Variants in ARID2 observed in about 807,000 individuals in gnomAD.
ARID2 encodes the protein AT-rich interaction domain 2.
Under a neutral mutation model 184.6 loss-of-function variants are expected in ARID2, and 32 were observed. That is an observed-to-expected ratio of 0.17 (90% CI 0.13 to 0.23). The LOEUF (loss-of-function observed/expected upper bound fraction) is 0.23, where lower values mean the gene tolerates loss of function less well. ARID2 is among the 10% of genes least tolerant of loss of function. The pLI is 1.00. For synonymous variants in ARID2, 836 were observed against 772.6 expected (o/e 1.08, Z -1.36); for missense variants, 1,696 against 2,197.6 (o/e 0.77, Z 4.56).
chr12:45,907,509 C>T lies in ARID2; in HGVS notation c.*2431C>T, dbSNP rs1053220754. On this transcript the variant is annotated 3_prime_UTR_variant, in exon 21 of 21. Coordinates refer to ENST00000334344, the MANE Select transcript of ARID2 (RefSeq NM_152641.4). ...AGCTTCAGTCTCAGCAGAGAATTTC[C>T]TAAATGCGTTTGACCTAATGAAACT... is the stretch of plus-strand genomic sequence containing the variant. 1 of 233,090 alleles carries T rather than the reference C, an allele frequency of 4.3e-6. No homozygotes were observed. The highest frequency in any genetic ancestry group is 8.5e-6 in the Non-Finnish European group (1 of 117,832). The allele number at this position is 233,090 out of a possible 1,614,324, so 14.4% of individuals were successfully genotyped here. A position where few individuals can be genotyped will look rare whatever the true frequency, so the allele number is the denominator to read the frequency against.
chr12:45,773,625 A>G (rs1941919307), intron 3 of ARID2, among the ~76,000 whole-genome samples: 1 of 152,158 alleles, frequency 6.6e-6, no homozygotes, highest in Non-Finnish European at 1.5e-5. Context: ...CCAATAAATT[A>G]AATAACTTAG....
At chr12:45,778,008 C>T (rs989386854) in intron 3 of ARID2, among the ~76,000 whole-genome samples, 3 of 151,920 alleles carry the variant, frequency 2.0e-5, no homozygotes. Context: ...GAGTTCTAGA[C>T]CAGCCTGGCC....
intron 4 of ARID2, among the ~76,000 whole-genome samples, chr12:45,815,557 T>A (rs962847594): frequency 1.6e-4 from 24 of 152,320 alleles, no homozygotes; most frequent in Non-Finnish European, 2.9e-4. Context: ...TTCTGTGGTA[T>A]GTTGTGACAG....
chr12:45,772,889 G>GT lies in ARID2; in HGVS notation c.285-38528dup, dbSNP rs1360588595. On this transcript the variant is annotated intron_variant, in intron 3 of 20. Transcript: ENST00000334344. ...GGAAATATAAGACTTGAACAGCATT[G>GT]TAAGTCAACCAGACCAAACAGACAC... 4.6e-5 allele frequency among the ~76,000 whole-genome samples: 7 copies of GT among 152,168 alleles called. 1 individual carries two copies. Among genetic ancestry groups the GT allele is most frequent in the African/African-American group, 1.7e-4 (7 of 41,450 alleles).
intron 16 of ARID2, among the ~76,000 whole-genome samples, chr12:45,875,405 T>C (rs1221203079): frequency 1.3e-5 from 2 of 152,244 alleles, no homozygotes; most frequent in African/African-American, 4.8e-5. Context: ...AGCATAATTC[T>C]TAAGAGTCCT....
In ARID2 at chr12:45,855,909, G is replaced by A. The variant is rs530397915; in HGVS notation, c.4773+3013G>A. ...CTAATTTGTTTTATGTTTTATTTTT[G>A]TAGAGTTGGGATCTCCCTATGTTGC... On this transcript the variant is annotated intron_variant, in intron 15 of 20. Transcript: ENST00000334344. Among the ~76,000 whole-genome samples, 9 of 151,906 alleles carry A rather than the reference G, an allele frequency of 5.9e-5. No homozygotes were observed. In the South Asian group the frequency reaches 6.2e-4, roughly 11 times the overall value.
At chr12:45,832,823 TA>T (rs745998344) in intron 6 of ARID2, among the ~76,000 whole-genome samples, 7 of 152,256 alleles carry the variant, frequency 4.6e-5, no homozygotes, top group Non-Finnish European at 8.8e-5. Flanking sequence ...TACTTCACGT[TA>T]CACTGTATTA....
At chr12:45,878,776 G>A (rs143722870) in intron 16 of ARID2, among the ~76,000 whole-genome samples, 1 of 151,996 alleles carries the variant, frequency 6.6e-6, no homozygotes, top group African/African-American at 2.4e-5. Context: ...GGTGGGCGGG[G>A]GTTGTTTGTT....
intron 16 of ARID2, among the ~76,000 whole-genome samples, chr12:45,884,649 A>G (rs1263938585): frequency 6.6e-6 from 1 of 152,246 alleles, no homozygotes; most frequent in Non-Finnish European, 1.5e-5. Flanking sequence ...GAGCAAATAC[A>G]GAAATCTTTT....
chr12:45,771,978 G>A (rs966560383), intron 3 of ARID2, among the ~76,000 whole-genome samples: 1 of 151,808 alleles, frequency 6.6e-6, no homozygotes, highest in Non-Finnish European at 1.5e-5. Context: ...GTATAAAACA[G>A]TGATATCACA....
At chr12:45,883,772 C>T (rs1944141192) in intron 16 of ARID2, among the ~76,000 whole-genome samples, 1 of 151,578 alleles carries the variant, frequency 6.6e-6, no homozygotes, top group African/African-American at 2.4e-5. Flanking sequence ...TTTGAAAGCC[C>T]ACTTCCTCAG....
chr12:45,886,674 G>A (rs759794338), intron 16 of ARID2, among the ~76,000 whole-genome samples: 1 of 152,180 alleles, frequency 6.6e-6, no homozygotes, highest in Non-Finnish European at 1.5e-5. Context: ...TGAAATCTAG[G>A]TGGAGGTTCC....
rs139610651 is a variant in ARID2 at position 45,904,279 on chromosome 12, C to G, written c.5364-655C>G. The G allele has an allele frequency of 1.1e-3, 804 of 705,076 alleles. 3 individuals are homozygous for G. The African/African-American group carries it at 0.013, about 11-fold the overall frequency. The allele number at this position is 705,076 out of a possible 1,614,324, so 43.7% of individuals were successfully genotyped here. On this transcript the variant is annotated intron_variant, in intron 20 of 20. Transcript: ENST00000334344. ...ATATAATTTTAATTTCATGTCATCC[C>G]TTAAAAGCAACCATTTTGTTCCTCT... is the stretch of plus-strand genomic sequence containing the variant.
chr12:45,759,865 A>G (rs1471078754), intron 3 of ARID2, among the ~76,000 whole-genome samples: 2 of 152,202 alleles, frequency 1.3e-5, no homozygotes, highest in Non-Finnish European at 2.9e-5. Flanking sequence ...GCCTAAGTGC[A>G]TATAAAAATA....
At position 45,848,846 on chromosome 12, in the gene ARID2, C is replaced by T. The variant is rs2138153999; in HGVS notation, c.1591C>T (p.His531Tyr). Residue 531 changes from histidine (H) to tyrosine (Y), a missense_variant, in exon 13 of 21, where the codon CAT becomes TAT. His to Tyr is a moderately conservative substitution (Grantham distance 83, BLOSUM62 2). Transcript: ENST00000334344. Reference protein sequence around the residue: ...EKFACQWLNAHFEVNPDCSVS... With the variant: ...EKFACQWLNAYFEVNPDCSVS... ...TTTCTCCTCTTTTAGGCTAAATGCT[C>T]ATTTTGAAGTAAATCCAGATTGTTC... 3.7e-6 allele frequency: 6 copies of T among 1,610,834 alleles called. No homozygotes were observed. Among genetic ancestry groups the T allele is most frequent in the Non-Finnish European group, 5.1e-6 (6 of 1,178,234 alleles).
At chr12:45,730,970 A>G (rs1240229865) in intron 2 of ARID2, among the ~76,000 whole-genome samples, 1 of 151,756 alleles carries the variant, frequency 6.6e-6, no homozygotes, top group East Asian at 1.9e-4. Context: ...CCGGGCTTCA[A>G]AAACAAAACA....
intron 18 of ARID2, 84 bp from the exon 19 acceptor site, chr12:45,893,335 AG>A: frequency 6.8e-7 from 1 of 1,460,104 alleles, no homozygotes; most frequent in Non-Finnish European, 9.2e-7. Flanking sequence ...ACCAGCTTAA[AG>A]GGGTTGGCAG....
intron 16 of ARID2, among the ~76,000 whole-genome samples, chr12:45,873,879 G>A (rs1943965372): frequency 6.6e-6 from 1 of 152,182 alleles, no homozygotes; most frequent in Admixed American, 6.5e-5. Flanking sequence ...TCAGGATAGT[G>A]GTTGCTGAAG....
rs553679182 is a variant in ARID2, at chr12:45,866,100, A to G, written c.4922+5151A>G. ...TATACTTTGTTTCTTATTTTAAACT[A>G]TATATACTGATCTAGAGCTTGCTTC... is the stretch of plus-strand genomic sequence containing the variant. On this transcript the variant is annotated intron_variant, in intron 16 of 20. Transcript: ENST00000334344. Among the ~76,000 whole-genome samples, 269 of 152,156 alleles carry G rather than the reference A, an allele frequency of 1.8e-3. 2 individuals carry two copies. Among genetic ancestry groups the G allele is most frequent in the African/African-American group, 6.3e-3 (263 of 41,554 alleles).
Sources: gnomAD v4.1 joint callset for allele counts (sites outside exome capture counted in the v4.1 genomes callset) on GRCh38, gnomAD v4.1.1 for gene constraint, MANE v1.5 for transcripts, NCBI Gene and HGNC (gene_info 2026-07-23, HGNC 2026-07-21) for gene names.